The following SFI1 variants were observed in gnomAD, a reference collection of about 807,000 sequenced individuals.
SFI1 encodes the protein SFI1 centrin binding protein.
Under a neutral mutation model 207.5 loss-of-function variants are expected in SFI1, and 195 were observed. That is an observed-to-expected ratio of 0.94 (90% CI 0.84 to 1.06). SFI1 has a LOEUF of 1.06. SFI1 is among the 50% of genes least tolerant of loss of function. SFI1 has a pLI of 0.00. For missense variants in SFI1, 1,634 were observed against 1,588.0 expected (o/e 1.03, Z -0.49); for synonymous variants, 630 against 598.9 (o/e 1.05, Z -0.76).
intron 10 of SFI1, chr22:31,578,029 T>C (rs2063711077): frequency 6.1e-6 from 1 of 163,668 alleles, no homozygotes; most frequent in Admixed American, 6.3e-5. Context: ...AATATCTAAC[T>C]GGATTGTGAT....
chr22:31,614,529 G>A (rs575438834), intron 27 of SFI1: 553 of 664,502 alleles, frequency 8.3e-4, no homozygotes, highest in African/African-American at 8.1e-3. Context: ...GGACCCTGGC[G>A]ACCTGTACAC....
Position 31,575,846 on chromosome 22 carries a change from C to T in SFI1, c.1084+454C>T, listed in dbSNP as rs1028136947. Among the ~76,000 whole-genome samples the T allele has an allele frequency of 5.3e-5, 8 of 152,264 alleles. No homozygotes were observed. In the East Asian group the frequency reaches 1.3e-3, roughly 26 times the overall value. On this transcript the variant is annotated intron_variant, in intron 10 of 32. Transcript: ENST00000400288. The stretch of plus-strand genomic sequence containing the variant: ...GTTTCCATTTATTGCGCTTTTACTA[C>T]GTAGCAGACATTATGCATCATCCTC...
chr22:31,585,125 G>A lies in SFI1; in HGVS notation c.1404G>A (p.Arg468=), dbSNP rs1287799788. 2.5e-6 allele frequency: 4 copies of A among 1,613,638 alleles called. No individual in the cohort carries two copies. Among genetic ancestry groups the A allele is most frequent in the Admixed American group, 1.7e-5 (1 of 59,978 alleles). Residue 468 remains arginine (R), a synonymous_variant, in exon 14 of 33, where the codon CGG becomes CGA. Coordinates refer to ENST00000400288, the MANE Select transcript of SFI1 (RefSeq NM_001007467.3). ...ELWLQYTQKR[R]YKQLLQARAD... ...GGCTACAGTATACTCAGAAGAGGCG[G>A]TACAAGCAGGTATGGAGTACTTTTT...
At chr22:31,580,397 T>A (rs200147544) in intron 12 of SFI1, 33 bp downstream of exon 12, 2 of 1,542,934 alleles carry the variant, frequency 1.3e-6, no homozygotes, top group African/African-American at 2.7e-5. Context: ...AGGGACCTCT[T>A]CTGAAGGCCA....
In SFI1 at chr22:31,528,836, A is replaced by T. The variant is rs1188794020; in HGVS notation, c.239A>T (p.Gln80Leu). The change falls in exon 3 of 33, where the codon CAG becomes CTG. Residue 80 changes from glutamine (Q) to leucine (L), a missense_variant. Transcript: ENST00000400288. Reference sequence around the variant, plus strand: ...CGTGGCACACATACTTGTACCCGACAGGGCCGGTTAAGAGAACTGCGCATC... The same window carrying T: ...CGTGGCACACATACTTGTACCCGACTGGGCCGGTTAAGAGAACTGCGCATC... ...QYRGTHTCTR[Q>L]GRLRELRIRC... is the part of the protein sequence containing the mutation. 1 of 1,613,912 alleles carries T rather than the reference A, an allele frequency of 6.2e-7. No homozygotes were observed. The highest frequency in any genetic ancestry group is 2.2e-5 in the East Asian group (1 of 44,872).
chr22:31,507,435 A>T (rs2146583495), intron 1 of SFI1, among the ~76,000 whole-genome samples: 1 of 152,354 alleles, frequency 6.6e-6, no homozygotes. Context: ...CATTCAAGAC[A>T]TAGGCACAGG....
intron 4 of SFI1, among the ~76,000 whole-genome samples, chr22:31,540,202 A>C: frequency 9.5e-6 from 1 of 105,792 alleles, no homozygotes; most frequent in South Asian, 3.4e-4. Context: ...GGGGGGTGGG[A>C]TTGAGATGAA....
intron 28 of SFI1, 47 bp downstream of exon 28, chr22:31,614,907 G>T (rs2071122325): frequency 6.2e-7 from 1 of 1,604,338 alleles, no homozygotes; most frequent in Non-Finnish European, 8.5e-7. Context: ...GATGGTCAGG[G>T]GTCCCCAAAG....
At chr22:31,559,298 C>T (rs1349451866) in intron 7 of SFI1, among the ~76,000 whole-genome samples, 1 of 152,014 alleles carries the variant, frequency 6.6e-6, no homozygotes, top group Non-Finnish European at 1.5e-5. Flanking sequence ...TGGTGCACGC[C>T]TATAATCCCA....
At position 31,514,916 on chromosome 22, in the gene SFI1, C is replaced by CGT. The variant is rs570587503; in HGVS notation, c.92+6544_92+6545dup. ...CCTCTTGAGTAGTTGGGACTACAGGCGTGTGCCACCATGCCCAGCTAATTT... is the reference window on the plus strand; with the variant it reads ...CCTCTTGAGTAGTTGGGACTACAGGCGTGTGTGCCACCATGCCCAGCTAATTT... On this transcript the variant is annotated intron_variant, in intron 2 of 32. Transcript: ENST00000400288. Among the ~76,000 whole-genome samples, 210 of 152,052 alleles carry CGT rather than the reference C, an allele frequency of 1.4e-3. 1 individual carries two copies. Among genetic ancestry groups the CGT allele is most frequent in the African/African-American group, 4.9e-3 (202 of 41,496 alleles).
intron 6 of SFI1, among the ~76,000 whole-genome samples, chr22:31,555,770 C>T (rs1457380774): frequency 6.6e-6 from 1 of 152,164 alleles, no homozygotes; most frequent in Admixed American, 6.6e-5. Flanking sequence ...CTCTAAACCA[C>T]AGCACTATAC....
In SFI1 at chr22:31,531,079, A is replaced by T; in HGVS notation, c.288A>T (p.Leu96Phe). The change falls in exon 4 of 33, where the codon TTA becomes TTT. Residue 96 changes from leucine to phenylalanine, a missense_variant. Leu to Phe is a conservative substitution (Grantham distance 22). Coordinates refer to ENST00000400288, the MANE Select transcript of SFI1 (RefSeq NM_001007467.3). ...TCAGATGCGTGGCCAGAAAGTTCTT[A>T]TATTTATGGATTCGAATGACTTTTG... ...LRIRCVARKF[L>F]YLWIRMTFGR... 2 of 1,613,372 alleles carry T rather than the reference A, an allele frequency of 1.2e-6. No individual in the cohort carries two copies. The highest frequency in any genetic ancestry group is 1.7e-6 in the Non-Finnish European group (2 of 1,179,814).
chr22:31,563,586 GT>G (rs914923002), intron 8 of SFI1, among the ~76,000 whole-genome samples: 1 of 151,818 alleles, frequency 6.6e-6, no homozygotes, highest in Non-Finnish European at 1.5e-5. Context: ...CTTGTTTGTT[GT>G]TGTTTGTTTT....
intron 1 of SFI1, among the ~76,000 whole-genome samples, chr22:31,505,656 G>A (rs1161524209): frequency 1.3e-5 from 2 of 151,918 alleles, no homozygotes; most frequent in Non-Finnish European, 2.9e-5. Context: ...AGGCTAAGGT[G>A]GATAGATCAG....
At chr22:31,592,412 C>A (rs1172072470) in intron 15 of SFI1, among the ~76,000 whole-genome samples, 3 of 66,012 alleles carry the variant, frequency 4.5e-5, no homozygotes, top group Non-Finnish European at 8.7e-5. Context: ...GGGGGCTGAC[C>A]CCCCCACCTC....
Position 31,614,801 on chromosome 22 carries a change from C to G in SFI1, c.3009C>G (p.His1003Gln), listed in dbSNP as rs1437404066. 1.2e-6 allele frequency: 2 copies of G among 1,613,908 alleles called. No individual in the cohort carries two copies. The highest frequency in any genetic ancestry group is 1.1e-5 in the South Asian group (1 of 91,088). Residue 1003 changes from histidine to glutamine, a missense_variant, in exon 28 of 33, where the codon CAC becomes CAG. His to Gln is a conservative substitution (Grantham distance 24). Transcript: ENST00000400288. ...TGTTTCTTTCCAGCAACACTGCCCA[C>G]TCAGCGAGGAAGCAGCCGCGACGCC... ...EPHALELNTA[H>Q]SARKQPRRPH...
At chr22:31,577,233 G>C (rs563436540) in intron 10 of SFI1, among the ~76,000 whole-genome samples, 1 of 152,164 alleles carries the variant, frequency 6.6e-6, no homozygotes, top group South Asian at 2.1e-4. Context: ...GGTAATGTTT[G>C]TGCAGAGTCT....
chr22:31,578,083 A>G (rs2063714581), intron 10 of SFI1: 2 of 218,102 alleles, frequency 9.2e-6, no homozygotes, highest in African/African-American at 4.6e-5. Flanking sequence ...TCTGCTTTAG[A>G]TATGGTGATT....
chr22:31,539,563 G>T (rs2059289905), intron 4 of SFI1, among the ~76,000 whole-genome samples: 1 of 151,938 alleles, frequency 6.6e-6, no homozygotes, highest in South Asian at 2.1e-4. Context: ...GGATAATGTG[G>T]TTTAAGATTT....
Sources: allele counts gnomAD v4.1 joint callset (sites outside exome capture counted in the v4.1 genomes callset), GRCh38; gene constraint gnomAD v4.1.1; transcripts MANE v1.5; gene names NCBI Gene and HGNC (gene_info 2026-07-23, HGNC 2026-07-21).